Variants in LATS2 observed in about 807,000 individuals in gnomAD.
LATS2 encodes the protein large tumor suppressor kinase 2.
LATS2 carries 24 observed loss-of-function variants against 76.0 expected under a neutral mutation model. The observed-to-expected ratio is 0.32, with a 90% CI of 0.23 to 0.44. The LOEUF is 0.44. LATS2 is among the 20% of genes least tolerant of loss of function. LATS2 has a pLI of 1.00. For missense variants in LATS2, 1,286 were observed against 1,481.2 expected, an observed-to-expected ratio of 0.87 and a Z score of 2.16; for synonymous variants, 692 against 635.4, an observed-to-expected ratio of 1.09 and a Z score of -1.34.
intron 1 of LATS2, among the ~76,000 whole-genome samples, chr13:21,050,147 G>GATAGATAGATACATAC (rs71200328): frequency 1.9e-5 from 1 of 53,856 alleles, no homozygotes; most frequent in Admixed American, 2.5e-4. Flanking sequence ...TAGATAGATA[G>GATAGATAGATACATAC]ATACATACAT....
chr13:21,038,681 T>A (rs1228125706), intron 2 of LATS2: 2 of 152,216 alleles, frequency 1.3e-5, no homozygotes, highest in African/African-American at 4.8e-5. Context: ...TCTATTTTTG[T>A]AATTAGAAAA....
At chr13:21,036,050 C>T (rs115858013) in intron 2 of LATS2, among the ~76,000 whole-genome samples, 1,764 of 152,296 alleles carry the variant, frequency 0.012, 30 homozygotes, top group African/African-American at 0.041. Flanking sequence ...AAGCGTGTGA[C>T]ACCACACCTG....
intron 2 of LATS2, among the ~76,000 whole-genome samples, chr13:21,020,363 T>C (rs550312916): frequency 6.6e-6 from 1 of 152,306 alleles, no homozygotes; most frequent in Non-Finnish European, 1.5e-5. Flanking sequence ...AAAACCTCAA[T>C]TGCTTTTGCA....
At chr13:20,996,199 A>G (rs1870741783) in intron 2 of LATS2, among the ~76,000 whole-genome samples, 1 of 152,154 alleles carries the variant, frequency 6.6e-6, no homozygotes, top group Non-Finnish European at 1.5e-5. Flanking sequence ...TGACCACTCC[A>G]TGCCACCTGC....
intron 2 of LATS2, among the ~76,000 whole-genome samples, chr13:21,015,821 T>C (rs988093827): frequency 2.0e-4 from 30 of 151,934 alleles, no homozygotes; most frequent in Non-Finnish European, 4.4e-5. Flanking sequence ...CGTCTCAGCC[T>C]CCCGAGTAGC....
rs973045118 is a variant in LATS2 at position 20,995,495 on chromosome 13, C to T, written c.343-4091G>A. ...GGCGAGGACAGTTCAGGTATGTGTT[C>T]TGGTGTCTAGCGTGTAGAAAGAGAT... On this transcript the variant is annotated intron_variant, in intron 2 of 7. Coordinates refer to ENST00000382592, the MANE Select transcript of LATS2 (RefSeq NM_014572.3). Among the ~76,000 whole-genome samples, 29 of 152,166 alleles carry T rather than the reference C, an allele frequency of 1.9e-4. 1 individual carries two copies. Among genetic ancestry groups the T allele is most frequent in the African/African-American group, 6.5e-4 (27 of 41,442 alleles).
At chr13:20,986,947 C>T (rs1870172924) in intron 4 of LATS2, among the ~76,000 whole-genome samples, 2 of 152,100 alleles carry the variant, frequency 1.3e-5, no homozygotes, top group Admixed American at 1.3e-4. Context: ...AATTCCAGCA[C>T]TTGGGGAGGC....
At chr13:21,020,239 G>A (rs1190241417) in intron 2 of LATS2, among the ~76,000 whole-genome samples, 2 of 152,168 alleles carry the variant, frequency 1.3e-5, no homozygotes, top group African/African-American at 4.8e-5. Flanking sequence ...ACGTGAGCAA[G>A]TCTAGCTCTC....
intron 5 of LATS2, 33 bp downstream of exon 5, chr13:20,983,191 T>C (rs370885678): frequency 7.4e-6 from 11 of 1,478,514 alleles, no homozygotes; most frequent in South Asian, 7.1e-5. Context: ...CATCTACACA[T>C]AGAAAGTGCA....
intron 2 of LATS2, among the ~76,000 whole-genome samples, chr13:21,031,035 T>C (rs1029643334): frequency 5.9e-5 from 9 of 152,246 alleles, no homozygotes; most frequent in African/African-American, 2.2e-4. Context: ...GTCATTTCAA[T>C]ATATGCAGCA....
At chr13:21,054,835 C>T (rs1028819781) in intron 1 of LATS2, among the ~76,000 whole-genome samples, 3 of 152,170 alleles carry the variant, frequency 2.0e-5, no homozygotes, top group Admixed American at 6.5e-5. Flanking sequence ...GAGGATTATT[C>T]AGTGACATCC....
rs1869419434 is a variant in LATS2 at position 20,973,237 on chromosome 13, G to A, written c.*1633C>T. 1 of 232,326 alleles carries A rather than the reference G, an allele frequency of 4.3e-6. No individual in the cohort carries two copies. Among genetic ancestry groups the A allele is most frequent in the Non-Finnish European group, 8.5e-6 (1 of 117,378 alleles). 14.4% of individuals were successfully genotyped at this position (232,326 alleles called of 1,614,324 possible). A position where few individuals can be genotyped will look rare whatever the true frequency, so the allele number is the denominator to read the frequency against. On this transcript the variant is annotated 3_prime_UTR_variant, in exon 8 of 8. Coordinates refer to ENST00000382592, the MANE Select transcript of LATS2 (RefSeq NM_014572.3). ...TCACGACGACAGGCACAGCAGACTT[G>A]AGTATGCCACTCACACAAATGTAAA...
chr13:21,040,986 T>C (rs1464346067), intron 2 of LATS2, among the ~76,000 whole-genome samples: 1 of 152,118 alleles, frequency 6.6e-6, no homozygotes, highest in African/African-American at 2.4e-5. Flanking sequence ...CCTTTTTTTT[T>C]TTCTGAGGCA....
chr13:21,026,137 C>T (rs570171980), intron 2 of LATS2, among the ~76,000 whole-genome samples: 13 of 152,198 alleles, frequency 8.5e-5, no homozygotes, highest in Admixed American at 1.3e-4. Flanking sequence ...GAGAAGGAAA[C>T]GAATTATTTG....
rs777989771 is a variant in LATS2, at chr13:20,975,138, G to A, written c.2999C>T (p.Ser1000Leu). Reference protein sequence around the residue: ...VPTISHPMDTSNFDPVDEESP... With the variant: ...VPTISHPMDTLNFDPVDEESP... ...TTCTTCATCTACGGGGTCGAAATTCGAGGTGTCCATGGGGTGGCTGATGGT... is the reference window on the plus strand; with the variant it reads ...TTCTTCATCTACGGGGTCGAAATTCAAGGTGTCCATGGGGTGGCTGATGGT... The change falls in exon 8 of 8, where the codon TCG (serine) becomes TTG (leucine). Residue 1000 changes from serine (S) to leucine (L), a missense_variant. Physicochemically the swap from Ser to Leu is moderately radical, Grantham distance 145 (BLOSUM62 -2). Around this residue, in one of 5 missense-constraint regions of LATS2, gnomAD observed 210 missense variants for 234.9 expected, o/e 0.89. Transcript: ENST00000382592. 3.1e-6 allele frequency: 5 copies of A among 1,614,200 alleles called. No homozygotes were observed. Among genetic ancestry groups the A allele is most frequent in the Non-Finnish European group, 4.2e-6 (5 of 1,180,036 alleles).
chr13:21,046,341 A>G, intron 1 of LATS2, 111 bp from the exon 2 acceptor site: 2 of 297,138 alleles, frequency 6.7e-6, no homozygotes, highest in Non-Finnish European at 1.3e-5. Context: ...CTTGGAAAGA[A>G]AAGAAAGAAC....
rs184550702 is a variant in LATS2 at position 20,977,848 on chromosome 13, G to C, written c.2772+1843C>G. On this transcript the variant is annotated intron_variant, in intron 7 of 7. Transcript: ENST00000382592. ...AGCTCAGCCATTCAATTAGGGCGCA[G>C]ATAATGCCAGATTCCAATTTTACTG... Among the ~76,000 whole-genome samples, 93 of 152,246 alleles carry C rather than the reference G, an allele frequency of 6.1e-4. 3 individuals carry two copies. The East Asian group carries it at 0.015, about 25-fold the overall frequency.
chr13:21,004,168 C>T (rs1230004060), intron 2 of LATS2, among the ~76,000 whole-genome samples: 1 of 152,178 alleles, frequency 6.6e-6, no homozygotes, highest in Non-Finnish European at 1.5e-5. Flanking sequence ...GGTGCAGTGG[C>T]TCACGCCTCA....
intron 2 of LATS2, among the ~76,000 whole-genome samples, chr13:21,029,196 T>A (rs1872426239): frequency 1.3e-5 from 2 of 152,240 alleles, no homozygotes; most frequent in Admixed American, 1.3e-4. Context: ...CATGTTGATG[T>A]TACCTGTGGA....
Sources: allele counts gnomAD v4.1 joint callset (sites outside exome capture counted in the v4.1 genomes callset), GRCh38; gene constraint gnomAD v4.1.1; regional missense constraint gnomAD v4.1.1; transcripts MANE v1.5; gene names NCBI Gene and HGNC (gene_info 2026-07-23, HGNC 2026-07-21).